Variants in CASP8 observed in about 807,000 individuals in gnomAD.
CASP8 encodes the protein caspase 8.
Under a neutral mutation model 46.3 loss-of-function variants are expected in CASP8, and 24 were observed. That is an observed-to-expected ratio of 0.52 (90% CI 0.38 to 0.73). CASP8 has a LOEUF of 0.73. Ranked by LOEUF, CASP8 falls within the 30% of genes least tolerant of loss-of-function variation. CASP8 has a pLI of 0.00. For missense variants in CASP8, 460 were observed against 559.0 expected (o/e 0.82, Z 1.79); for synonymous variants, 188 against 200.4 (o/e 0.94, Z 0.52).
intron 2 of CASP8, among the ~76,000 whole-genome samples, chr2:201,246,349 T>C (rs1946521464): frequency 6.6e-6 from 1 of 152,154 alleles, no homozygotes; most frequent in Non-Finnish European, 1.5e-5. Flanking sequence ...TGTCTGTTGA[T>C]TTATTCCCAG....
At chr2:201,284,695 G>GAGAGGGAGAGCGAGAGGGAGA (rs1559373828) in intron 7 of CASP8, 121 bp from the exon 8 acceptor site, 1 of 333,764 alleles carries the variant, frequency 3.0e-6, no homozygotes, top group African/African-American at 8.8e-5. Context: ...AGAGGGAGAC[G>GAGAGGGAGAGCGAGAGGGAGA]GGGAGAGGGA....
chr2:201,238,661 T>C (rs1006448399), intron 2 of CASP8, among the ~76,000 whole-genome samples: 9 of 152,222 alleles, frequency 5.9e-5, no homozygotes, highest in Non-Finnish European at 1.2e-4. Context: ...CAGACTGGTC[T>C]TGAACTCCTG....
chr2:201,286,764 C>G lies in CASP8; in HGVS notation c.*170C>G, dbSNP rs943177405. On this transcript the variant is annotated 3_prime_UTR_variant, in exon 9 of 9. Coordinates refer to ENST00000673742, the MANE Select transcript of CASP8 (RefSeq NM_001372051.1). ...CCGAGTAGCTGGGACTACAGGGGCC[C>G]GCCACCACACCTGGCTAATTTTTTA... 1.8e-6 allele frequency: 1 copy of G among 561,770 alleles called. No individual in the cohort carries two copies. Among genetic ancestry groups the G allele is most frequent in the Non-Finnish European group, 3.2e-6 (1 of 311,682 alleles). 34.8% of individuals were successfully genotyped at this position (561,770 alleles called of 1,614,324 possible).
At chr2:201,267,111 T>C (rs2125161362) in intron 2 of CASP8, among the ~76,000 whole-genome samples, 1 of 152,282 alleles carries the variant, frequency 6.6e-6, no homozygotes, top group East Asian at 1.9e-4. Flanking sequence ...TATAATTCTA[T>C]AGAAATGCTA....
At chr2:201,242,332 T>G (rs1464630760) in intron 2 of CASP8, 2 of 152,126 alleles carry the variant, frequency 1.3e-5, no homozygotes, top group African/African-American at 4.8e-5. Flanking sequence ...TTTTCACAGT[T>G]CTGGAGGCTA....
rs1184032611 is a variant in CASP8, at chr2:201,266,003, G to A, written c.-26-458G>A. 3.4e-5 allele frequency among the ~76,000 whole-genome samples: 5 copies of A among 148,298 alleles called. No individual in the cohort carries two copies. Among genetic ancestry groups the A allele is most frequent in the African/African-American group, 5.0e-5 (2 of 39,854 alleles). ...TGTGTTTTTTTTTTTTTTGTGAGAC[G>A]GAGTCTTGCCCTGTCACCCAGGCTG... On this transcript the variant is annotated intron_variant, in intron 1 of 8. Coordinates refer to ENST00000673742, the MANE Select transcript of CASP8 (RefSeq NM_001372051.1). This position sits in a 1 kb window ranked among gnomAD's most constrained non-coding sequence, Gnocchi z 5.7.
chr2:201,243,525 C>A (rs1390388323), intron 2 of CASP8, among the ~76,000 whole-genome samples: 2 of 152,160 alleles, frequency 1.3e-5, no homozygotes, highest in Admixed American at 6.5e-5. Flanking sequence ...CCTGACATTT[C>A]TTTTTGATAA....
chr2:201,244,841 C>T (rs1326489195), intron 2 of CASP8, among the ~76,000 whole-genome samples: 1 of 152,102 alleles, frequency 6.6e-6, no homozygotes, highest in Non-Finnish European at 1.5e-5. Context: ...TGTAGGGTTC[C>T]CCAGAGAGAC....
chr2:201,264,891 A>G (rs1051732774), intron 1 of CASP8, among the ~76,000 whole-genome samples: 1 of 152,078 alleles, frequency 6.6e-6, no homozygotes, highest in African/African-American at 2.4e-5. Flanking sequence ...CAGAGCTTCC[A>G]TTCTAGTGAG....
chr2:201,249,116 C>T (rs1946660918), intron 2 of CASP8, among the ~76,000 whole-genome samples: 2 of 152,186 alleles, frequency 1.3e-5, no homozygotes, highest in African/African-American at 2.4e-5. Context: ...TAGTCTTCAA[C>T]TCCTGACCTC....
In CASP8 at chr2:201,236,817, G is replaced by A. The variant is rs553249634; in HGVS notation, c.-27+2705G>A. On this transcript the variant is annotated intron_variant, in intron 2 of 6. Coordinates refer to the CASP8 transcript ENST00000264274. ...GATGGAGTTTCATCATGTTTCCCAG[G>A]CTTGTCTTGAACTCCTGGGCTCAAG... Among the ~76,000 whole-genome samples the A allele has an allele frequency of 1.9e-4, 29 of 152,246 alleles. No individual in the cohort carries two copies. The South Asian group carries it at 6.0e-3, about 32-fold the overall frequency.
chr2:201,257,958 G>T (rs1192345195), upstream of CASP8: 2 of 452,560 alleles, frequency 4.4e-6, no homozygotes, highest in East Asian at 9.2e-5. Context: ...TCCATGAATT[G>T]TCTGCCACAT....
intron 7 of CASP8, among the ~76,000 whole-genome samples, chr2:201,278,404 C>T (rs1213823531): frequency 2.0e-5 from 3 of 152,206 alleles, no homozygotes; most frequent in Non-Finnish European, 4.4e-5. Context: ...ATCAACATTC[C>T]ACATTTCCAA....
At chr2:201,270,502 A>G (rs1450559117) in intron 2 of CASP8, among the ~76,000 whole-genome samples, 1 of 152,178 alleles carries the variant, frequency 6.6e-6, no homozygotes, top group Non-Finnish European at 1.5e-5. Flanking sequence ...GGTTTATGAA[A>G]ATAAAAAGGG....
chr2:201,271,856 A>G (rs1241832666), intron 3 of CASP8, among the ~76,000 whole-genome samples: 1 of 152,234 alleles, frequency 6.6e-6, no homozygotes, highest in Admixed American at 6.5e-5. Context: ...GAGGCTGTGC[A>G]GATGCAGCCC....
At position 201,266,645 on chromosome 2, in the gene CASP8, GT is replaced by G; in HGVS notation, c.161del (p.Leu54TrpfsTer9). 1.2e-6 allele frequency: 2 copies of G among 1,614,180 alleles called. No homozygotes were observed. The highest frequency in any genetic ancestry group is 1.7e-6 in the Non-Finnish European group (2 of 1,180,026). On this transcript the variant is annotated frameshift_variant, in exon 2 of 9. Coordinates refer to ENST00000673742, the MANE Select transcript of CASP8 (RefSeq NM_001372051.1). LOFTEE classifies it high-confidence loss of function. The surrounding 1 kb of genome is among the most constrained non-coding windows in gnomAD (Gnocchi z 5.7). ...LFQRLQEKRM[L>X]EESNLSFLKE... ...TCCAGAGACTCCAGGAAAAGAGAAT[GT>G]TGGAGGAAAGCAATCTGTCCTTCCT...
rs987667594 is a variant in CASP8 at position 201,272,842 on chromosome 2, C to T, written c.551-56C>T. Reference sequence around the variant, plus strand: ...CTAAAATTGAAACTGACAAATCGCTCCATATCACAGTTGTTTCTAATCAAA... The same window carrying T: ...CTAAAATTGAAACTGACAAATCGCTTCATATCACAGTTGTTTCTAATCAAA... On this transcript the variant is annotated intron_variant, in intron 4 of 8. Coordinates refer to ENST00000673742, the MANE Select transcript of CASP8 (RefSeq NM_001372051.1). The surrounding 1 kb of genome is among the most constrained non-coding windows in gnomAD (Gnocchi z 4.4). 1.9e-6 allele frequency: 3 copies of T among 1,613,320 alleles called. No homozygotes were observed. Among genetic ancestry groups the T allele is most frequent in the South Asian group, 1.1e-5 (1 of 91,078 alleles).
At chr2:201,239,132 T>C (rs1042751409) in intron 2 of CASP8, among the ~76,000 whole-genome samples, 2 of 152,234 alleles carry the variant, frequency 1.3e-5, no homozygotes, top group Non-Finnish European at 2.9e-5. Flanking sequence ...TTTTTCTTAG[T>C]ATAGAACAAA....
At chr2:201,273,640 C>T (rs913550465) in intron 5 of CASP8, among the ~76,000 whole-genome samples, 1 of 151,962 alleles carries the variant, frequency 6.6e-6, no homozygotes, top group African/African-American at 2.4e-5. Context: ...AGAGAGAGCT[C>T]TCAACGATCT....
Sources: allele counts gnomAD v4.1 joint callset (sites outside exome capture counted in the v4.1 genomes callset), GRCh38; gene constraint gnomAD v4.1.1; non-coding constraint Gnocchi (gnomAD v3.1); transcripts MANE v1.5; gene names NCBI Gene and HGNC (gene_info 2026-07-23, HGNC 2026-07-21).